The following GTF2A2 variants were observed in gnomAD, a reference collection of about 807,000 sequenced individuals.
GTF2A2 encodes transcription initiation factor IIA subunit 2.
A neutral mutation model predicts 14.3 loss-of-function variants in GTF2A2; 9 were observed. The observed-to-expected ratio is 0.63, with a 90% CI of 0.38 to 1.10. The LOEUF is 1.10. Among genes scored for constraint, GTF2A2 ranks in the 50% least tolerant of loss-of-function variants. The probability of loss-of-function intolerance (pLI) is 0.01; values close to 1 mark genes in which losing one functional copy is unlikely to be tolerated. For missense variants in GTF2A2, 90 were observed against 124.6 expected (o/e 0.72, Z 1.32); for synonymous variants, 56 against 46.0 (o/e 1.22, Z -0.88).
chr15:59,644,627 G>A (rs928472568), intron 3 of GTF2A2, among the ~76,000 whole-genome samples: 7 of 152,200 alleles, frequency 4.6e-5, no homozygotes, highest in Non-Finnish European at 1.0e-4. Context: ...TACAATGAGA[G>A]TACAGCAAAG....
At chr15:59,639,999 A>G (rs541003151) in intron 4 of GTF2A2, 2 of 151,674 alleles carry the variant, frequency 1.3e-5, no homozygotes, top group East Asian at 2.0e-4. Flanking sequence ...GATCTACCCA[A>G]CTTGGCCTCC....
rs543263065 is a variant in GTF2A2 at position 59,640,414 on chromosome 15, T to G, written c.305-1257A>C. ...TTCTGGTTCTCAGCTATGGTTCAAATGTATGGTTCAAATGACTGAAACTGA... is the reference window on the plus strand; with the variant it reads ...TTCTGGTTCTCAGCTATGGTTCAAAGGTATGGTTCAAATGACTGAAACTGA... On this transcript the variant is annotated intron_variant, in intron 4 of 4. Transcript: ENST00000396060. Among the ~76,000 whole-genome samples the G allele has an allele frequency of 1.6e-3, 246 of 152,240 alleles. 1 individual carries two copies. The highest frequency in any genetic ancestry group is 5.6e-3 in the African/African-American group (231 of 41,562).
chr15:59,644,270 C>T (rs1168079349), intron 3 of GTF2A2: 1 of 152,232 alleles, frequency 6.6e-6, no homozygotes, highest in African/African-American at 2.4e-5. Context: ...GAGATATACA[C>T]ATGCACACAT....
rs1431108010 is a variant in GTF2A2 at position 59,639,166 on chromosome 15, CAAAAG to C, written c.305-14_305-10del. The C allele has an allele frequency of 7.0e-6, 10 of 1,436,996 alleles. No homozygotes were observed. The highest frequency in any genetic ancestry group is 1.4e-5 in the African/African-American group (1 of 69,750). The allele number at this position is 1,436,996 out of a possible 1,614,324, so 89.0% of individuals were successfully genotyped here. ...AGTATTGGAGCCAGTATCTAGGAAA[CAAAAG>C]AGAAAGTAAAGTAAAGTAAATTCAA... On this transcript the variant is annotated splice_polypyrimidine_tract_variant and intron_variant, in intron 4 of 4. Transcript: ENST00000396060.
intron 1 of GTF2A2, among the ~76,000 whole-genome samples, chr15:59,655,797 G>A (rs1008985137): frequency 5.9e-5 from 9 of 152,008 alleles, no homozygotes; most frequent in African/African-American, 2.2e-4. Context: ...ATACTTCTAC[G>A]AGCTTGGGCA....
At chr15:59,639,190 A>T in intron 4 of GTF2A2, 33 bp from the exon 5 acceptor site, 1 of 1,275,522 alleles carries the variant, frequency 7.8e-7, no homozygotes, top group Non-Finnish European at 1.1e-6. Flanking sequence ...AAGTAAAGTA[A>T]ATTCAAGGAG....
intron 3 of GTF2A2, 127 bp from the exon 4 acceptor site, chr15:59,642,389 T>A: frequency 1.3e-6 from 1 of 758,116 alleles, no homozygotes; most frequent in African/African-American, 1.8e-5. Context: ...AGATTTTCCT[T>A]AACTTTAATC....
chr15:59,649,281 G>T (rs1377738754), intron 3 of GTF2A2, among the ~76,000 whole-genome samples: 2 of 152,192 alleles, frequency 1.3e-5, no homozygotes, highest in African/African-American at 4.8e-5. Flanking sequence ...GAAAAGTTCT[G>T]ATCAAGGCTG....
chr15:59,655,541 C>T (rs2101019), intron 1 of GTF2A2, among the ~76,000 whole-genome samples: 84,929 of 152,058 alleles, frequency 0.56, 24,363 homozygotes, highest in Middle Eastern at 0.66. Context: ...CAAGTTCATC[C>T]TTCTTAATAC....
At chr15:59,639,882 C>CTGGGATTA (rs1436649579) in intron 4 of GTF2A2, among the ~76,000 whole-genome samples, 27 of 152,282 alleles carry the variant, frequency 1.8e-4, no homozygotes, top group African/African-American at 6.3e-4. Context: ...TCCGCAGCAG[C>CTGGGATTA]TGGGATTACA....
chr15:59,641,875 G>C (rs1339247213), intron 4 of GTF2A2, among the ~76,000 whole-genome samples: 1 of 152,076 alleles, frequency 6.6e-6, no homozygotes, highest in East Asian at 1.9e-4. Context: ...ATGGAAATAG[G>C]GAACAAATGC....
chr15:59,656,650 G>C (rs1381208887), intron 1 of GTF2A2, among the ~76,000 whole-genome samples: 1 of 152,164 alleles, frequency 6.6e-6, no homozygotes, highest in African/African-American at 2.4e-5. Context: ...TGTGGGAGGG[G>C]AGAGGGGGTT....
At chr15:59,645,526 G>A (rs946500144) in intron 3 of GTF2A2, among the ~76,000 whole-genome samples, 1 of 152,058 alleles carries the variant, frequency 6.6e-6, no homozygotes, top group African/African-American at 2.4e-5. Flanking sequence ...AAAGTAACTC[G>A]GCAACAGCAA....
chr15:59,642,375 C>T (rs1891460040), intron 3 of GTF2A2, 113 bp from the exon 4 acceptor site: 2 of 875,284 alleles, frequency 2.3e-6, no homozygotes. Flanking sequence ...TAATGCTTAG[C>T]TTAAGATTTT....
chr15:59,646,926 ACT>A (rs1891626714), intron 3 of GTF2A2, among the ~76,000 whole-genome samples: 1 of 151,484 alleles, frequency 6.6e-6, no homozygotes, highest in African/African-American at 2.4e-5. Context: ...TTGCTTTTTC[ACT>A]GATTTGAAAG....
chr15:59,645,240 G>A (rs1891563813), intron 3 of GTF2A2, among the ~76,000 whole-genome samples: 1 of 152,172 alleles, frequency 6.6e-6, no homozygotes, highest in Non-Finnish European at 1.5e-5. Context: ...AAGTCATGAT[G>A]TCCAATAAGT....
chr15:59,652,483 C>A (rs1460966979), intron 1 of GTF2A2, among the ~76,000 whole-genome samples, 157 bp from the exon 2 acceptor site: 1 of 152,048 alleles, frequency 6.6e-6, no homozygotes, highest in Non-Finnish European at 1.5e-5. Context: ...CAAGGAATTG[C>A]TACAAATGAT....
intron 3 of GTF2A2, 77 bp from the exon 4 acceptor site, chr15:59,642,339 C>G: frequency 7.9e-7 from 1 of 1,270,472 alleles, no homozygotes; most frequent in African/African-American, 1.5e-5. Context: ...TTTAAGAGAT[C>G]TTAGCTACCA....
At chr15:59,652,457 A>C (rs1224931335) in intron 1 of GTF2A2, 131 bp from the exon 2 acceptor site, 1 of 521,944 alleles carries the variant, frequency 1.9e-6, no homozygotes, top group Non-Finnish European at 3.3e-6. Context: ...ATTACTAGAT[A>C]ATCATTTTAG....
Sources: gnomAD v4.1 joint callset for allele counts (sites outside exome capture counted in the v4.1 genomes callset) on GRCh38, gnomAD v4.1.1 for gene constraint, MANE v1.5 for transcripts, NCBI Gene and HGNC (gene_info 2026-07-23, HGNC 2026-07-21) for gene names.